ADAMTS7: variants seen among roughly 807,000 people sequenced by gnomAD.
The protein encoded by ADAMTS7 is ADAM metallopeptidase with thrombospondin type 1 motif 7.
A neutral mutation model predicts 172.6 loss-of-function variants in ADAMTS7; 89 were observed. The ratio of observed to expected loss-of-function variants is 0.52; its 90% CI spans 0.43 to 0.61. ADAMTS7 has a LOEUF of 0.61. ADAMTS7 is among the 20% of genes least tolerant of loss of function. The pLI, the probability that ADAMTS7 is intolerant of heterozygous loss-of-function variation, is 0.00. For synonymous variants in ADAMTS7, 885 were observed against 978.4 expected (o/e 0.90, Z 1.78); for missense variants, 1,973 against 2,355.6 (o/e 0.84, Z 3.36).
At chr15:78,796,090 C>T (rs1358021472) in intron 4 of ADAMTS7, among the ~76,000 whole-genome samples, 1 of 152,232 alleles carries the variant, frequency 6.6e-6, no homozygotes, top group Admixed American at 6.5e-5. Context: ...GGGCAAGTGA[C>T]TTGCCCAAGG....
At chr15:78,770,896 G>A in intron 16 of ADAMTS7, 3 of 512,934 alleles carry the variant, frequency 5.8e-6, no homozygotes, top group Non-Finnish European at 1.1e-5. Context: ...AGGGGGAGCT[G>A]TGTCCCCTGG....
At position 78,762,461 on chromosome 15, in the gene ADAMTS7, G is replaced by A; in HGVS notation, c.4845C>T (p.Ala1615=). 1 of 1,577,396 alleles carries A rather than the reference G, an allele frequency of 6.3e-7. No individual in the cohort carries two copies. Among genetic ancestry groups the A allele is most frequent in the South Asian group, 1.2e-5 (1 of 86,708 alleles). The change falls in exon 23 of 24, where the codon GCC becomes GCT. Residue 1615 remains alanine, a synonymous_variant. Transcript: ENST00000388820. Reference sequence around the variant, plus strand: ...CACACGGCCGGGAGCTCTCAGGCCAGGCCTCGTGGCCACACTGGTCACTGT... The same window carrying A: ...CACACGGCCGGGAGCTCTCAGGCCAAGCCTCGTGGCCACACTGGTCACTGT... ...EEDSDQCGHE[A]WPESSRPCGT... is the part of the protein sequence containing the mutation.
intron 11 of ADAMTS7, among the ~76,000 whole-genome samples, chr15:78,774,995 T>C (rs2055318708): frequency 6.6e-6 from 1 of 151,986 alleles, no homozygotes; most frequent in Admixed American, 6.6e-5. Context: ...TGTGGGGAGG[T>C]GGCAGCAGGA....
At chr15:78,764,952 G>A in intron 19 of ADAMTS7, 1 of 439,552 alleles carries the variant, frequency 2.3e-6, no homozygotes, top group Non-Finnish European at 4.0e-6. Flanking sequence ...CTGTGTTCCA[G>A]TGTCATTGGT....
rs189461626 is a variant in ADAMTS7 at position 78,759,744 on chromosome 15, C to G, written c.4904-166G>C. Among the ~76,000 whole-genome samples the G allele has an allele frequency of 4.0e-3, 606 of 152,296 alleles. 2 individuals are homozygous for G. The highest frequency in any genetic ancestry group is 6.8e-3 in the Middle Eastern group (2 of 294). On this transcript the variant is annotated intron_variant, in intron 23 of 23. Transcript: ENST00000388820. Reference sequence around the variant, plus strand: ...CGGAGTTGCAGGTCTCCAACTGTTGCTGTCTCTGTCCCACCTACTCATGGC... The same window carrying G: ...CGGAGTTGCAGGTCTCCAACTGTTGGTGTCTCTGTCCCACCTACTCATGGC...
intron 5 of ADAMTS7, 103 bp from the exon 6 acceptor site, chr15:78,790,897 A>G: frequency 5.2e-6 from 8 of 1,543,224 alleles, no homozygotes; most frequent in Non-Finnish European, 7.1e-6. Context: ...CCAGCAGGGA[A>G]GTGGGAGGCC....
intron 20 of ADAMTS7, among the ~76,000 whole-genome samples, 186 bp from the exon 21 acceptor site, chr15:78,764,285 C>T (rs779553948): frequency 3.3e-4 from 49 of 150,736 alleles, no homozygotes; most frequent in Non-Finnish European, 4.4e-4. Context: ...GGGGCTGCCA[C>T]GGGCTGGGAC....
intron 4 of ADAMTS7, among the ~76,000 whole-genome samples, chr15:78,795,806 G>A (rs906619153): frequency 2.6e-5 from 4 of 152,168 alleles, no homozygotes; most frequent in African/African-American, 9.7e-5. Context: ...AGGCCTCCAC[G>A]GGCACCCACA....
In ADAMTS7 at chr15:78,788,272, G is replaced by A. The variant is rs1016884772; in HGVS notation, c.1281C>T (p.Thr427=). ...PQLLYDAAPL[T]WSRCSRQYIT... is the part of the protein sequence containing the mutation. Reference sequence around the variant, plus strand: ...TATACTGGCGGCTGCAGCGGGACCAGGTGAGGGGAGCGGCGTCGTACAGGA... The same window carrying A: ...TATACTGGCGGCTGCAGCGGGACCAAGTGAGGGGAGCGGCGTCGTACAGGA... The change falls in exon 8 of 24, where the codon ACC becomes ACT. Residue 427 remains threonine, a synonymous_variant. Coordinates refer to ENST00000388820, the MANE Select transcript of ADAMTS7 (RefSeq NM_014272.5). 6.2e-7 allele frequency: 1 copy of A among 1,613,720 alleles called. No homozygotes were observed. Among genetic ancestry groups the A allele is most frequent in the Admixed American group, 1.7e-5 (1 of 60,004 alleles).
rs369865693 is a variant in ADAMTS7 at position 78,763,912 on chromosome 15, C to A, written c.4593+14G>T. On this transcript the variant is annotated intron_variant, in intron 21 of 23. Transcript: ENST00000388820. The stretch of plus-strand genomic sequence containing the variant: ...AGGGCGTCCCCTCCCCCCAACTCAA[C>A]GGCCAGGCCTCACCTCCCTCCAGGA... 1.3e-6 allele frequency: 2 copies of A among 1,553,474 alleles called. No individual in the cohort carries two copies. The highest frequency in any genetic ancestry group is 1.7e-6 in the Non-Finnish European group (2 of 1,150,516).
chr15:78,786,904 C>G (rs2055509438), intron 8 of ADAMTS7, among the ~76,000 whole-genome samples: 5 of 152,064 alleles, frequency 3.3e-5, no homozygotes, highest in Admixed American at 1.3e-4. Flanking sequence ...CCCTGCCTTT[C>G]TCCTCCCTCC....
At chr15:78,790,598 C>G in intron 6 of ADAMTS7, 72 bp downstream of exon 6, 8 of 1,586,118 alleles carry the variant, frequency 5.0e-6, no homozygotes, top group Non-Finnish European at 6.9e-6. Flanking sequence ...CCCTCCTCCA[C>G]CAGGGCTTCT....
At chr15:78,768,555 C>T (rs1163580874) in intron 16 of ADAMTS7, among the ~76,000 whole-genome samples, 1 of 152,132 alleles carries the variant, frequency 6.6e-6, no homozygotes, top group East Asian at 1.9e-4. Context: ...GATGCCTGGG[C>T]AGCTCATTTG....
At chr15:78,796,371 G>A (rs1328874353) in intron 4 of ADAMTS7, among the ~76,000 whole-genome samples, 1 of 152,090 alleles carries the variant, frequency 6.6e-6, no homozygotes, top group Non-Finnish European at 1.5e-5. Flanking sequence ...ACCCTATGGT[G>A]TCCCCACAGC....
chr15:78,765,534 A>G, intron 19 of ADAMTS7, 111 bp downstream of exon 19: 1 of 1,531,444 alleles, frequency 6.5e-7, no homozygotes, highest in East Asian at 2.3e-5. Flanking sequence ...CCCCTGCCCC[A>G]AGAGAGGCTA....
Position 78,798,036 on chromosome 15 carries a change from G to C in ADAMTS7, c.534C>G (p.Ala178=). 1 of 1,570,690 alleles carries C rather than the reference G, an allele frequency of 6.4e-7. No individual in the cohort carries two copies. Among genetic ancestry groups the C allele is most frequent in the Non-Finnish European group, 8.6e-7 (1 of 1,165,250 alleles). The change falls in exon 3 of 24, where the codon GCC becomes GCG. Residue 178 remains alanine (A), a synonymous_variant. Coordinates refer to ENST00000388820, the MANE Select transcript of ADAMTS7 (RefSeq NM_014272.5). ...LDSAPARPGH[A]QPHVVYKRQA... ...GACGCTTGTACACCACATGGGGCTG[G>C]GCGTGGCCAGGCCGGGCCGGGGCAC...
At chr15:78,803,008 TAAATA>T (rs2055746266) in intron 1 of ADAMTS7, among the ~76,000 whole-genome samples, 1 of 149,296 alleles carries the variant, frequency 6.7e-6, no homozygotes, top group South Asian at 2.1e-4. Flanking sequence ...AAAAAATAAA[TAAATA>T]AAATAAAACA....
At position 78,771,082 on chromosome 15, in the gene ADAMTS7, G is replaced by C. The variant is rs1411397245; in HGVS notation, c.2518+80C>G. 2 of 1,468,126 alleles carry C rather than the reference G, an allele frequency of 1.4e-6. No homozygotes were observed. Among genetic ancestry groups the C allele is most frequent in the Non-Finnish European group, 1.8e-6 (2 of 1,094,490 alleles). 90.9% of individuals were successfully genotyped at this position (1,468,126 alleles called of 1,614,324 possible). On this transcript the variant is annotated intron_variant, in intron 16 of 23. Coordinates refer to ENST00000388820, the MANE Select transcript of ADAMTS7 (RefSeq NM_014272.5). This position sits in a 1 kb window ranked among gnomAD's most constrained non-coding sequence, Gnocchi z 4.9. ...CTTCCAAACCCGTGGTGGCCCAGCA[G>C]TGAGCTGGGAGCTGAAGCCAGTGTC... is the stretch of plus-strand genomic sequence containing the variant.
At chr15:78,773,739 G>C (rs1424915038) in intron 13 of ADAMTS7, among the ~76,000 whole-genome samples, 1 of 152,072 alleles carries the variant, frequency 6.6e-6, no homozygotes, top group Non-Finnish European at 1.5e-5. Flanking sequence ...TACTCTTTGC[G>C]GCTCAGAGCC....
Sources: allele counts gnomAD v4.1 joint callset (sites outside exome capture counted in the v4.1 genomes callset), GRCh38; gene constraint gnomAD v4.1.1; non-coding constraint Gnocchi (gnomAD v3.1); transcripts MANE v1.5; gene names NCBI Gene and HGNC (gene_info 2026-07-23, HGNC 2026-07-21).